RBPJ: variants seen among roughly 807,000 people sequenced by gnomAD.
The protein encoded by RBPJ is recombining binding protein suppressor of hairless.
RBPJ carries 9 observed loss-of-function variants against 67.8 expected under a neutral mutation model. That is an observed-to-expected ratio of 0.13 (90% CI 0.08 to 0.23). The LOEUF is 0.23. Among genes scored for constraint, RBPJ ranks in the 10% least tolerant of loss-of-function variants. RBPJ has a pLI of 1.00. For synonymous variants in RBPJ, 198 were observed against 203.3 expected (o/e 0.97, Z 0.22); for missense variants, 305 against 595.6 (o/e 0.51, Z 5.08).
At chr4:26,405,115 C>T (rs1023191453) in intron 2 of RBPJ, among the ~76,000 whole-genome samples, 1 of 152,094 alleles carries the variant, frequency 6.6e-6, no homozygotes, top group Non-Finnish European at 1.5e-5. Context: ...TAGGTTATCT[C>T]CTTTAATCCC....
chr4:26,178,746 C>T (rs770374789), intron 1 of RBPJ, among the ~76,000 whole-genome samples: 3 of 151,096 alleles, frequency 2.0e-5, no homozygotes, highest in African/African-American at 7.3e-5. Context: ...CCACCGAGAA[C>T]GGGATGCTCA....
At chr4:26,279,479 T>C (rs911713320) in intron 1 of RBPJ, among the ~76,000 whole-genome samples, 2 of 152,198 alleles carry the variant, frequency 1.3e-5, no homozygotes, top group African/African-American at 2.4e-5. Flanking sequence ...GCTTTCATCA[T>C]GTTGGCCACG....
In RBPJ at chr4:26,282,134, C is replaced by CT. The variant is rs758435674; in HGVS notation, c.-166-80311dup. Reference sequence around the variant, plus strand: ...CCTTCATTCGTAATCCTCTCTCTCTCTCTTTTTTTTTTTTTTTTTTTTGCT... The same window carrying CT: ...CCTTCATTCGTAATCCTCTCTCTCTCTTCTTTTTTTTTTTTTTTTTTTTGCT... On this transcript the variant is annotated intron_variant, in intron 1 of 4. Coordinates refer to the RBPJ transcript ENST00000512351. Among the ~76,000 whole-genome samples, 586 of 126,456 alleles carry CT rather than the reference C, an allele frequency of 4.6e-3. 12 individuals are homozygous for CT. Among genetic ancestry groups the CT allele is most frequent in the African/African-American group, 0.01 (320 of 30,814 alleles). 83.0% of individuals were successfully genotyped at this position (126,456 alleles called of 152,430 possible).
the RBPJ span, among the ~76,000 whole-genome samples, chr4:26,114,572 T>C: frequency 6.6e-6 from 1 of 151,594 alleles, no homozygotes; most frequent in Non-Finnish European, 1.5e-5. Context: ...AATTTTGGTA[T>C]ATTTCATTTC....
At chr4:26,278,040 A>G (rs1158063829) in intron 1 of RBPJ, among the ~76,000 whole-genome samples, 1 of 152,088 alleles carries the variant, frequency 6.6e-6, no homozygotes, top group African/African-American at 2.4e-5. Flanking sequence ...AGCACCTATT[A>G]TGTGCCAAGG....
chr4:26,199,350 A>G (rs116339650), intron 1 of RBPJ, among the ~76,000 whole-genome samples: 16,316 of 152,224 alleles, frequency 0.11, 1,120 homozygotes, highest in South Asian at 0.2. Flanking sequence ...AGGCTGAGGC[A>G]CTTGAACCCG....
At chr4:26,310,713 A>C in intron 1 of RBPJ, among the ~76,000 whole-genome samples, 1 of 139,584 alleles carries the variant, frequency 7.2e-6, no homozygotes, top group African/African-American at 2.7e-5. Context: ...TCTGTCACCC[A>C]GGCTGGAGCG....
intron 1 of RBPJ, among the ~76,000 whole-genome samples, chr4:26,222,801 G>A (rs967235343): frequency 6.6e-6 from 1 of 151,836 alleles, no homozygotes; most frequent in African/African-American, 2.4e-5. Context: ...ATTTGTAAGC[G>A]GTTTTACAGT....
intron 1 of RBPJ, among the ~76,000 whole-genome samples, chr4:26,323,986 T>C (rs1319375296): frequency 1.3e-5 from 2 of 152,216 alleles, no homozygotes; most frequent in African/African-American, 2.4e-5. Context: ...TCTCATGGAT[T>C]GACTAAAAGT....
At chr4:26,229,107 A>G (rs1719186788) in intron 1 of RBPJ, among the ~76,000 whole-genome samples, 1 of 152,110 alleles carries the variant, frequency 6.6e-6, no homozygotes, top group Non-Finnish European at 1.5e-5. Flanking sequence ...AGAAATTAAA[A>G]CCCCAAGTTA....
intron 1 of RBPJ, among the ~76,000 whole-genome samples, chr4:26,375,245 T>C (rs1423797573): frequency 2.0e-5 from 3 of 147,406 alleles, no homozygotes; most frequent in Admixed American, 6.9e-5. Context: ...GCCGAGATCA[T>C]GTCACTGCCC....
chr4:26,164,738 G>A (rs186907877), intron 1 of RBPJ, among the ~76,000 whole-genome samples: 4 of 152,236 alleles, frequency 2.6e-5, no homozygotes, highest in Admixed American at 1.3e-4. Flanking sequence ...TGTTGTCATA[G>A]AACTGCACAA....
At chr4:26,232,138 C>G (rs933934644) in intron 1 of RBPJ, among the ~76,000 whole-genome samples, 1 of 151,848 alleles carries the variant, frequency 6.6e-6, no homozygotes, top group Non-Finnish European at 1.5e-5. Context: ...TCAAATGATC[C>G]AACCTCCTCA....
At chr4:26,343,241 T>C (rs998465811) in intron 1 of RBPJ, 3 of 152,216 alleles carry the variant, frequency 2.0e-5, no homozygotes, top group Non-Finnish European at 4.4e-5. Context: ...TTACTTCTTA[T>C]GACTTTAAGG....
chr4:26,157,145 TC>T, the RBPJ span, among the ~76,000 whole-genome samples: 1 of 143,582 alleles, frequency 7.0e-6, no homozygotes, highest in African/African-American at 2.6e-5. Context: ...AAAAACTAAA[TC>T]CAGCAGGGTG....
chr4:26,334,973 A>G (rs1724656918), intron 1 of RBPJ, among the ~76,000 whole-genome samples: 1 of 152,124 alleles, frequency 6.6e-6, no homozygotes, highest in Non-Finnish European at 1.5e-5. Flanking sequence ...TCGCATTTTA[A>G]AAATTCCTAC....
intron 1 of RBPJ, among the ~76,000 whole-genome samples, chr4:26,303,460 GAAAA>G (rs1408062566): frequency 2.2e-4 from 31 of 143,922 alleles, no homozygotes; most frequent in Middle Eastern, 3.6e-3. Context: ...AAAAAAGAAA[GAAAA>G]AAAAGAATAT....
At chr4:26,179,778 G>C (rs1258139581) in intron 1 of RBPJ, among the ~76,000 whole-genome samples, 2 of 152,168 alleles carry the variant, frequency 1.3e-5, no homozygotes, top group African/African-American at 4.8e-5. Flanking sequence ...AAGGGCTAAA[G>C]ACAAGAACTA....
At chr4:26,404,427 CT>C (rs1426947722) in intron 2 of RBPJ, among the ~76,000 whole-genome samples, 2 of 152,112 alleles carry the variant, frequency 1.3e-5, no homozygotes, top group African/African-American at 4.8e-5. Flanking sequence ...ATAGCATAAA[CT>C]TTTATACTTA....
Sources: allele counts gnomAD v4.1 joint callset (sites outside exome capture counted in the v4.1 genomes callset), GRCh38; gene constraint gnomAD v4.1.1; transcripts MANE v1.5; gene names NCBI Gene and HGNC (gene_info 2026-07-23, HGNC 2026-07-21).